Variants in MYO1D observed in about 807,000 individuals in gnomAD.
The protein encoded by MYO1D is myosin ID, also known as unconventional myosin-Id.
Under a neutral mutation model 122.0 loss-of-function variants are expected in MYO1D, and 83 were observed. That is an observed-to-expected ratio of 0.68 (90% CI 0.57 to 0.82). The LOEUF (loss-of-function observed/expected upper bound fraction) is 0.82. Among genes scored for constraint, MYO1D ranks in the 40% least tolerant of loss-of-function variants. MYO1D has a pLI of 0.00. For missense variants in MYO1D, 1,157 were observed against 1,269.5 expected, an observed-to-expected ratio of 0.91 and a Z score of 1.35; for synonymous variants, 464 against 446.9, an observed-to-expected ratio of 1.04 and a Z score of -0.48.
intron 14 of MYO1D, among the ~76,000 whole-genome samples, chr17:32,735,900 T>C (rs972601963): frequency 1.3e-5 from 2 of 152,136 alleles, no homozygotes; most frequent in African/African-American, 2.4e-5. Flanking sequence ...TTCTACGTCT[T>C]TGTTTTTGAG....
At chr17:32,594,295 G>T (rs1426076410) in intron 21 of MYO1D, 8 of 341,280 alleles carry the variant, frequency 2.3e-5, no homozygotes, top group Non-Finnish European at 4.2e-5. Flanking sequence ...TTAACATGTT[G>T]CCCATTATAA....
At chr17:32,775,799 T>G (rs2090165740) in intron 4 of MYO1D, 65 bp downstream of exon 4, 2 of 1,326,144 alleles carry the variant, frequency 1.5e-6, no homozygotes, top group Non-Finnish European at 2.1e-6. Flanking sequence ...ATAAATTCTA[T>G]AAATATAATT....
intron 1 of MYO1D, among the ~76,000 whole-genome samples, chr17:32,856,049 G>A (rs563629592): frequency 1.3e-5 from 2 of 152,004 alleles, no homozygotes; most frequent in African/African-American, 4.8e-5. Flanking sequence ...TATCTTAGTT[G>A]CCATCAATCA....
Position 32,662,801 on chromosome 17 carries a change from T to C in MYO1D, c.2122-3463A>G, listed in dbSNP as rs572342624. Among the ~76,000 whole-genome samples, 19 of 152,286 alleles carry C rather than the reference T, an allele frequency of 1.2e-4. No homozygotes were observed. In the East Asian group the frequency reaches 3.7e-3, roughly 29 times the overall value. On this transcript the variant is annotated intron_variant, in intron 16 of 21. Transcript: ENST00000318217. ...TATGAGGATTAATGGAGTTAATACA[T>C]ACGCAACACTTAAAATAGTGCCTGG... is the stretch of plus-strand genomic sequence containing the variant.
chr17:32,776,794 G>A (rs1349398745), intron 3 of MYO1D, among the ~76,000 whole-genome samples: 1 of 152,052 alleles, frequency 6.6e-6, no homozygotes, highest in African/African-American at 2.4e-5. Flanking sequence ...TTTATTCGAC[G>A]AATGCTAACT....
intron 21 of MYO1D, among the ~76,000 whole-genome samples, chr17:32,555,266 C>A (rs62062496): frequency 0.28 from 41,801 of 151,518 alleles, 5,969 homozygotes; most frequent in Middle Eastern, 0.37. Context: ...ATATTACAAG[C>A]TGTGCTGGAA....
chr17:32,696,412 GTGGAAACA>G (rs2089175011), intron 16 of MYO1D, among the ~76,000 whole-genome samples: 1 of 152,150 alleles, frequency 6.6e-6, no homozygotes, highest in Non-Finnish European at 1.5e-5. Flanking sequence ...ACAGTATAAT[GTGGAAACA>G]GAATATTATA....
chr17:32,713,721 G>C (rs1029492001), intron 15 of MYO1D, among the ~76,000 whole-genome samples: 1 of 152,104 alleles, frequency 6.6e-6, no homozygotes, highest in African/African-American at 2.4e-5. Flanking sequence ...CCCGCCTCCC[G>C]GTCCAAGTGA....
intron 19 of MYO1D, among the ~76,000 whole-genome samples, chr17:32,639,085 CAAGT>C (rs1309482617): frequency 2.6e-5 from 4 of 152,070 alleles, no homozygotes; most frequent in African/African-American, 9.7e-5. Context: ...CAGACACCAT[CAAGT>C]AAGTAAAAAG....
At chr17:32,635,687 C>T (rs1043470812) in intron 20 of MYO1D, among the ~76,000 whole-genome samples, 8 of 151,990 alleles carry the variant, frequency 5.3e-5, no homozygotes, top group East Asian at 1.9e-4. Context: ...AGCAAGACTC[C>T]GTCTCGGGTG....
chr17:32,586,085 CT>C (rs1208365685), intron 21 of MYO1D, among the ~76,000 whole-genome samples: 1 of 152,156 alleles, frequency 6.6e-6, no homozygotes, highest in African/African-American at 2.4e-5. Flanking sequence ...TAGAACAAAC[CT>C]TTCCCCATTG....
chr17:32,718,656 C>T (rs1039695525), intron 15 of MYO1D, among the ~76,000 whole-genome samples: 4 of 151,846 alleles, frequency 2.6e-5, no homozygotes, highest in African/African-American at 7.3e-5. Flanking sequence ...GCTGAGATGG[C>T]GCCACTGTAC....
intron 21 of MYO1D, among the ~76,000 whole-genome samples, chr17:32,583,491 C>A (rs375216985): frequency 6.6e-6 from 1 of 152,116 alleles, no homozygotes; most frequent in Non-Finnish European, 1.5e-5. Context: ...TCGGGGACTT[C>A]GCTTACTAGT....
intron 16 of MYO1D, among the ~76,000 whole-genome samples, chr17:32,698,808 T>C (rs1689835): frequency 0.41 from 61,932 of 151,840 alleles, 12,939 homozygotes; most frequent in East Asian, 0.54. Flanking sequence ...AAGATCTTTC[T>C]TGTGATAAGG....
At chr17:32,631,895 G>C (rs1441535467) in intron 20 of MYO1D, among the ~76,000 whole-genome samples, 4 of 151,574 alleles carry the variant, frequency 2.6e-5, no homozygotes, top group Non-Finnish European at 5.9e-5. Context: ...GGTGTTCCCT[G>C]TGCTATTCTT....
intron 14 of MYO1D, 133 bp from the exon 15 acceptor site, chr17:32,721,322 ATAAAG>A (rs1392945780): frequency 1.2e-6 from 1 of 807,438 alleles, no homozygotes; most frequent in Non-Finnish European, 1.9e-6. Context: ...ACACTTGTGA[ATAAAG>A]TAGTTATTCT....
chr17:32,657,201 T>C lies in MYO1D; in HGVS notation c.2345+1914A>G, dbSNP rs189895770. On this transcript the variant is annotated intron_variant, in intron 17 of 21. Coordinates refer to ENST00000318217, the MANE Select transcript of MYO1D (RefSeq NM_015194.3). ...TGAAGAACAGGAGTGAACTGAAACA[T>C]GATTAGATGCACATTGAGATTTTAG... is the stretch of plus-strand genomic sequence containing the variant. Among the ~76,000 whole-genome samples, 6 of 152,310 alleles carry C rather than the reference T, an allele frequency of 3.9e-5. No homozygotes were observed. In the East Asian group the frequency reaches 9.6e-4, roughly 24 times the overall value.
chr17:32,597,489 T>TAA (rs11314895), intron 21 of MYO1D, among the ~76,000 whole-genome samples: 1 of 150,422 alleles, frequency 6.6e-6, no homozygotes, highest in Non-Finnish European at 1.5e-5. Context: ...ACCATTTTTG[T>TAA]AAAAAAAAAA....
intron 21 of MYO1D, among the ~76,000 whole-genome samples, chr17:32,599,615 A>G (rs554076351): frequency 5.3e-5 from 8 of 152,300 alleles, no homozygotes; most frequent in African/African-American, 1.9e-4. Flanking sequence ...CAGAGGAATC[A>G]CTATTTATGG....
Sources: allele counts gnomAD v4.1 joint callset (sites outside exome capture counted in the v4.1 genomes callset), GRCh38; gene constraint gnomAD v4.1.1; transcripts MANE v1.5; gene names NCBI Gene and HGNC (gene_info 2026-07-23, HGNC 2026-07-21).